Variants in ADGRV1 observed in about 807,000 individuals in gnomAD.
ADGRV1 encodes the protein G-protein coupled receptor 98.
In ADGRV1, 359 loss-of-function variants were observed where a neutral mutation model predicts 596.2. The observed-to-expected ratio is 0.60, with a 90% CI of 0.55 to 0.66. ADGRV1 has a LOEUF of 0.66. Among genes scored for constraint, ADGRV1 ranks in the 30% least tolerant of loss-of-function variants. The pLI, the probability that ADGRV1 is intolerant of heterozygous loss-of-function variation, is 0.00. For missense variants in ADGRV1, 7,274 were observed against 7,575.6 expected, an observed-to-expected ratio of 0.96 and a Z score of 1.48; for synonymous variants, 2,681 against 2,679.2, an observed-to-expected ratio of 1.00 and a Z score of -0.02.
At chr5:90,759,736 C>T (rs1003061177) in intron 58 of ADGRV1, 148 bp downstream of exon 58, 44 of 680,854 alleles carry the variant, frequency 6.5e-5, no homozygotes, top group South Asian at 4.3e-4. Context: ...GAGGCCGCAG[C>T]GGGCAGATCA....
chr5:90,584,091 A>G (rs1277470394), intron 1 of ADGRV1, among the ~76,000 whole-genome samples: 3 of 152,162 alleles, frequency 2.0e-5, no homozygotes, highest in Non-Finnish European at 2.9e-5. Flanking sequence ...TCATTTCACA[A>G]TGGGCATACT....
intron 86 of ADGRV1, among the ~76,000 whole-genome samples, chr5:91,073,576 C>T (rs1788576404): frequency 1.3e-5 from 2 of 152,116 alleles, no homozygotes. Context: ...AAAGGATTTT[C>T]CTTGTAGTAT....
chr5:90,989,282 T>G (rs1016086884), intron 85 of ADGRV1, among the ~76,000 whole-genome samples: 2 of 152,194 alleles, frequency 1.3e-5, no homozygotes, highest in East Asian at 3.9e-4. Context: ...TCCTATTTCT[T>G]CACACTATTT....
chr5:90,748,968 A>G (rs904037611), intron 52 of ADGRV1, among the ~76,000 whole-genome samples: 2 of 152,098 alleles, frequency 1.3e-5, no homozygotes, highest in African/African-American at 4.8e-5. Flanking sequence ...GAACACTTAC[A>G]AGGCCTTCTC....
intron 85 of ADGRV1, among the ~76,000 whole-genome samples, chr5:91,070,358 C>T (rs924826202): frequency 6.6e-6 from 1 of 152,174 alleles, no homozygotes; most frequent in African/African-American, 2.4e-5. Context: ...TCTAAACAGG[C>T]TATGCGTGAT....
intron 73 of ADGRV1, among the ~76,000 whole-genome samples, chr5:90,808,070 A>G (rs1159399725): frequency 6.6e-6 from 1 of 152,234 alleles, no homozygotes; most frequent in African/African-American, 2.4e-5. Flanking sequence ...CCAAGTGATT[A>G]AGAGTAAGAA....
intron 83 of ADGRV1, among the ~76,000 whole-genome samples, chr5:90,958,963 G>C (rs533424135): frequency 9.2e-5 from 14 of 152,224 alleles, no homozygotes; most frequent in South Asian, 4.1e-4. Flanking sequence ...CTATTTAATA[G>C]TGTGTGTTTA....
chr5:90,909,205 A>ATC (rs1378477037), intron 83 of ADGRV1, among the ~76,000 whole-genome samples: 2 of 152,194 alleles, frequency 1.3e-5, no homozygotes, highest in African/African-American at 4.8e-5. Flanking sequence ...TTGCTGTAGT[A>ATC]TCAAATTGCT....
At position 90,853,514 on chromosome 5, in the gene ADGRV1, T is replaced by C; in HGVS notation, c.17435T>C (p.Leu5812Pro). Reference protein sequence around the residue: ...SQQWFISGNNLPTLKNKVLSL... With the variant: ...SQQWFISGNNPPTLKNKVLSL... ...CAGTGGTTTATAAGTGGAAACAATC[T>C]TCCTACCCTAAAAAATAAGGTAATC... The change falls in exon 80 of 90, where the codon CTT becomes CCT. Residue 5812 changes from leucine (L) to proline (P), a missense_variant. By Grantham distance (98) the Leu-to-Pro change is moderately conservative (BLOSUM62 -3). Around this residue, in one of 5 missense-constraint regions of ADGRV1, gnomAD observed 1,874 missense variants for 1,970.2 expected, o/e 0.95. Transcript: ENST00000405460. The C allele has an allele frequency of 1.9e-6, 3 of 1,611,126 alleles. No homozygotes were observed. Among genetic ancestry groups the C allele is most frequent in the Non-Finnish European group, 2.5e-6 (3 of 1,178,146 alleles).
At chr5:90,817,722 G>A (rs918841719) in intron 75 of ADGRV1, among the ~76,000 whole-genome samples, 18 of 152,080 alleles carry the variant, frequency 1.2e-4, no homozygotes, top group African/African-American at 4.3e-4. Flanking sequence ...TCAGATAGTT[G>A]TAGATATGCG....
Position 90,853,421 on chromosome 5 carries a change from A to C in ADGRV1, c.17342A>C (p.Gln5781Pro), listed in dbSNP as rs369717492. The change falls in exon 80 of 90, where the codon CAG (glutamine) becomes CCG (proline). Residue 5781 changes from glutamine (Q) to proline (P), a missense_variant. Physicochemically the swap from Gln to Pro is moderately conservative, Grantham distance 76. Around this residue, in one of 5 missense-constraint regions of ADGRV1, gnomAD observed 1,874 missense variants for 1,970.2 expected, o/e 0.95. Transcript: ENST00000405460. ...IRIPERLLDVQDAEIMAGKST... is the reference protein window; with the variant it reads ...IRIPERLLDVPDAEIMAGKST... ...ATTCCAGAGAGGCTACTGGATGTCC[A>C]GGATGCAGAAATAATGGCTGGGAAA... 3 of 1,613,612 alleles carry C rather than the reference A, an allele frequency of 1.9e-6. No homozygotes were observed. Among genetic ancestry groups the C allele is most frequent in the Non-Finnish European group, 2.5e-6 (3 of 1,179,624 alleles).
At chr5:90,833,968 G>A (rs1292002977) in intron 77 of ADGRV1, among the ~76,000 whole-genome samples, 1 of 152,032 alleles carries the variant, frequency 6.6e-6, no homozygotes, top group Non-Finnish European at 1.5e-5. Context: ...TCTTATTACA[G>A]ATTGCATAAA....
chr5:90,636,868 A>T (rs1287165106), intron 10 of ADGRV1, among the ~76,000 whole-genome samples: 1 of 152,210 alleles, frequency 6.6e-6, no homozygotes, highest in Non-Finnish European at 1.5e-5. Context: ...GGAGCATAAA[A>T]AGAATAGTGT....
intron 72 of ADGRV1, among the ~76,000 whole-genome samples, chr5:90,807,202 T>C (rs1761990563): frequency 6.6e-6 from 1 of 152,190 alleles, no homozygotes; most frequent in Admixed American, 6.5e-5. Flanking sequence ...ACATTTTTTC[T>C]GAAGCATTTT....
intron 1 of ADGRV1, among the ~76,000 whole-genome samples, chr5:90,613,330 T>C (rs1762942359): frequency 6.6e-6 from 1 of 152,118 alleles, no homozygotes. Flanking sequence ...TTGTCCTAAG[T>C]GGGATGTGAA....
At chr5:90,890,561 A>G (rs375099859) in intron 83 of ADGRV1, among the ~76,000 whole-genome samples, 1 of 152,198 alleles carries the variant, frequency 6.6e-6, no homozygotes, top group East Asian at 1.9e-4. Flanking sequence ...AAGATAGCAG[A>G]GTAAAAACAC....
chr5:91,048,009 T>C (rs1785978521), intron 85 of ADGRV1, among the ~76,000 whole-genome samples: 1 of 152,198 alleles, frequency 6.6e-6, no homozygotes, highest in South Asian at 2.1e-4. Flanking sequence ...CAGCAAGGAC[T>C]TACTAAGGCA....
chr5:91,111,523 C>T (rs780635914), intron 87 of ADGRV1, among the ~76,000 whole-genome samples: 2 of 152,188 alleles, frequency 1.3e-5, no homozygotes, highest in Non-Finnish European at 2.9e-5. Context: ...AGATACAGTA[C>T]ATATTTAGTC....
chr5:90,757,195 G>T, intron 57 of ADGRV1, 34 bp downstream of exon 57: 1 of 1,588,360 alleles, frequency 6.3e-7, no homozygotes, highest in South Asian at 1.1e-5. Context: ...GCCTTTTTGA[G>T]TTGTGCTTCA....
Sources: allele counts gnomAD v4.1 joint callset (sites outside exome capture counted in the v4.1 genomes callset), GRCh38; gene constraint gnomAD v4.1.1; regional missense constraint gnomAD v4.1.1; transcripts MANE v1.5; gene names NCBI Gene and HGNC (gene_info 2026-07-23, HGNC 2026-07-21).